ZNF324B: variants seen among roughly 807,000 people sequenced by gnomAD.
ZNF324B encodes the protein zinc finger protein 324B.
In ZNF324B, 7 loss-of-function variants were observed where a neutral mutation model predicts 10.6. The observed-to-expected ratio is 0.66, with a 90% CI of 0.38 to 1.24. The LOEUF (loss-of-function observed/expected upper bound fraction) is 1.24, where lower values mean the gene tolerates loss of function less well. ZNF324B is among the 50% of genes most tolerant of loss of function. ZNF324B has a pLI of 0.02. For missense variants in ZNF324B, 640 were observed against 764.7 expected (o/e 0.84, Z 1.92); for synonymous variants, 316 against 321.0 (o/e 0.98, Z 0.17).
chr19:58,428,513 A>C, the ZNF324B span: 1 of 152,210 alleles, frequency 6.6e-6, no homozygotes, highest in Non-Finnish European at 1.5e-5. Flanking sequence ...GGCCACGGCC[A>C]TATGATTCTC....
the ZNF324B span, among the ~76,000 whole-genome samples, chr19:58,426,688 C>T: frequency 1.3e-5 from 2 of 152,170 alleles, no homozygotes; most frequent in Non-Finnish European, 2.9e-5. Flanking sequence ...TATAGCTGAT[C>T]TGGAGGTATG....
the ZNF324B span, chr19:58,434,463 G>T: frequency 2.5e-6 from 4 of 1,614,204 alleles, no homozygotes; most frequent in Non-Finnish European, 3.4e-6. Context: ...TGTGGTTGAA[G>T]GTTTTCCCAC....
chr19:58,447,353 T>C (rs2052832661), upstream of ZNF324B, among the ~76,000 whole-genome samples: 1 of 152,218 alleles, frequency 6.6e-6, no homozygotes, highest in South Asian at 2.1e-4. Context: ...CCCTTAGTGC[T>C]AATCCTGTGC....
the ZNF324B span, among the ~76,000 whole-genome samples, chr19:58,427,374 CTTTCTTT>C: frequency 0.037 from 1,526 of 40,864 alleles, 10 homozygotes; most frequent in Middle Eastern, 0.049. Flanking sequence ...TTCTTTCTTT[CTTTCTTT>C]CTTTCTTTCT....
At chr19:58,434,259 T>C in the ZNF324B span, 1 of 1,614,190 alleles carries the variant, frequency 6.2e-7, no homozygotes, top group South Asian at 1.1e-5. Context: ...GTGTGTGAAC[T>C]TTCTGATGCC....
Position 58,456,253 on chromosome 19 carries a change from A to G in ZNF324B, c.1309A>G (p.Ser437Gly), listed in dbSNP as rs753342421. The G allele has an allele frequency of 1.2e-6, 2 of 1,612,918 alleles. No individual in the cohort carries two copies. The highest frequency in any genetic ancestry group is 2.7e-5 in the African/African-American group (2 of 74,898). ...CCAGTGCGGCCGCTCCTTTAGCCGC[A>G]GCTCCAACCTCACCCAGCACCAGCT... ...CAQCGRSFSRSSNLTQHQLLH... is the reference protein window; with the variant it reads ...CAQCGRSFSRGSNLTQHQLLH... The change falls in exon 4 of 4, where the codon AGC becomes GGC. Residue 437 changes from serine to glycine, a missense_variant. Transcript: ENST00000336614. This position sits in a 1 kb window ranked among gnomAD's most constrained non-coding sequence, Gnocchi z 4.7.
upstream of ZNF324B, among the ~76,000 whole-genome samples, chr19:58,449,573 C>A (rs2052841502): frequency 6.6e-6 from 1 of 152,238 alleles, no homozygotes; most frequent in Admixed American, 6.5e-5. Flanking sequence ...CTGCCCAAGA[C>A]CATGGGAACC....
Position 58,456,394 on chromosome 19 carries a change from A to G in ZNF324B, c.1450A>G (p.Thr484Ala). 2 of 1,613,218 alleles carry G rather than the reference A, an allele frequency of 1.2e-6. No homozygotes were observed. Among genetic ancestry groups the G allele is most frequent in the African/African-American group, 2.7e-5 (2 of 75,064 alleles). Residue 484 changes from threonine (T) to alanine (A), a missense_variant, in exon 4 of 4, where the codon ACG (threonine) becomes GCG (alanine). Transcript: ENST00000336614. This position sits in a 1 kb window ranked among gnomAD's most constrained non-coding sequence, Gnocchi z 4.7. ...IHTGEKPFVC[T>A]QCGRAFRERP... is the part of the protein sequence containing the mutation. ...CACGGGCGAGAAGCCCTTCGTGTGC[A>G]CGCAGTGTGGCCGCGCCTTCCGTGA... is the stretch of plus-strand genomic sequence containing the variant.
At chr19:58,433,753 A>T in the ZNF324B span, 1 of 1,613,712 alleles carries the variant, frequency 6.2e-7, no homozygotes, top group Non-Finnish European at 8.5e-7. Flanking sequence ...TTTTGTGTGA[A>T]CTCTCCAGTG....
the ZNF324B span, chr19:58,437,749 T>C: frequency 1.0e-6 from 1 of 985,422 alleles, no homozygotes; most frequent in Non-Finnish European, 1.2e-6. Flanking sequence ...CCGGGATCCA[T>C]TCCTGGTCCA....
At chr19:58,448,081 A>T (rs569145700), upstream of ZNF324B, among the ~76,000 whole-genome samples, 2 of 152,362 alleles carry the variant, frequency 1.3e-5, no homozygotes, top group African/African-American at 4.8e-5. Context: ...ATGTGAAAAC[A>T]GATGAATATA....
At chr19:58,446,154 C>T in the ZNF324B span, among the ~76,000 whole-genome samples, 118 of 152,230 alleles carry the variant, frequency 7.8e-4, 1 homozygote, top group Middle Eastern at 6.8e-3. Context: ...ACAAACAAAA[C>T]AAAACCCAGC....
At chr19:58,434,306 A>T in the ZNF324B span, 1 of 1,614,184 alleles carries the variant, frequency 6.2e-7, no homozygotes, top group Non-Finnish European at 8.5e-7. Context: ...GCTCTTCCAC[A>T]TTTCAGGCAC....
the ZNF324B span, among the ~76,000 whole-genome samples, chr19:58,432,031 T>C: frequency 2.0e-5 from 3 of 151,732 alleles, no homozygotes; most frequent in African/African-American, 7.3e-5. Context: ...TTCTACAAGG[T>C]TCTGGATCTC....
chr19:58,440,875 G>A, the ZNF324B span: 1 of 152,328 alleles, frequency 6.6e-6, no homozygotes, highest in Admixed American at 6.5e-5. Flanking sequence ...TGTAGGCATG[G>A]AACGTGCGCC....
chr19:58,422,473 T>C, the ZNF324B span, among the ~76,000 whole-genome samples: 1 of 152,178 alleles, frequency 6.6e-6, no homozygotes, highest in Non-Finnish European at 1.5e-5. Context: ...TTGTTCCTGT[T>C]TGCAGATGAC....
the ZNF324B span, among the ~76,000 whole-genome samples, chr19:58,427,500 TTCTTTTTCTTTC>T: frequency 0.015 from 1,837 of 122,178 alleles, 238 homozygotes; most frequent in African/African-American, 0.07. Context: ...CTTCCTTTCT[TTCTTTTTCTTTC>T]TTTCTTTCTT....
the ZNF324B span, among the ~76,000 whole-genome samples, chr19:58,420,156 C>T: frequency 3.9e-5 from 6 of 152,024 alleles, no homozygotes; most frequent in South Asian, 4.1e-4. Flanking sequence ...CAGTGGCTCA[C>T]GCCTGTAATC....
Position 58,456,114 on chromosome 19 carries a change from G to C in ZNF324B, c.1170G>C (p.Thr390=), listed in dbSNP as rs768894787. ...CGCACCTGATCCAGCACGAGCGTACGCACACAGGCGAGAAGCCCTTCGTAT... is the reference window on the plus strand; with the variant it reads ...CGCACCTGATCCAGCACGAGCGTACCCACACAGGCGAGAAGCCCTTCGTAT... ...RNSHLIQHER[T]HTGEKPFVCA... is the part of the protein sequence containing the mutation. Residue 390 remains threonine (T), a synonymous_variant, in exon 4 of 4, where the codon ACG becomes ACC. Transcript: ENST00000336614. This position sits in a 1 kb window ranked among gnomAD's most constrained non-coding sequence, Gnocchi z 4.7. 1.9e-6 allele frequency: 3 copies of C among 1,613,054 alleles called. No homozygotes were observed. The African/African-American group carries it at 4.0e-5, about 22-fold the overall frequency.
Sources: allele counts gnomAD v4.1 joint callset (sites outside exome capture counted in the v4.1 genomes callset), GRCh38; gene constraint gnomAD v4.1.1; non-coding constraint Gnocchi (gnomAD v3.1); transcripts MANE v1.5; gene names NCBI Gene and HGNC (gene_info 2026-07-23, HGNC 2026-07-21).